The following SCAI variants were observed in gnomAD, a reference collection of about 807,000 sequenced individuals.
SCAI encodes protein SCAI.
Under a neutral mutation model 92.2 loss-of-function variants are expected in SCAI, and 24 were observed. The ratio of observed to expected loss-of-function variants is 0.26; its 90% confidence interval spans 0.19 to 0.37. SCAI has a LOEUF of 0.37. SCAI is among the 10% of genes least tolerant of loss of function. The pLI, the probability that SCAI is intolerant of heterozygous loss-of-function variation, is 1.00. For missense variants in SCAI, 450 were observed against 736.2 expected (o/e 0.61, Z 4.50); for synonymous variants, 261 against 258.6 (o/e 1.01, Z -0.09).
intron 3 of SCAI, among the ~76,000 whole-genome samples, chr9:125,048,329 T>C (rs1833489135): frequency 6.6e-6 from 1 of 152,182 alleles, no homozygotes; most frequent in African/African-American, 2.4e-5. Flanking sequence ...TACTGTACTC[T>C]GGTGGCAGTC....
intron 2 of SCAI, among the ~76,000 whole-genome samples, chr9:125,105,923 C>A (rs1237534645): frequency 6.7e-6 from 1 of 150,128 alleles, no homozygotes; most frequent in Non-Finnish European, 1.5e-5. Flanking sequence ...GTGGTGAAAC[C>A]CCGTTTCTAC....
chr9:124,988,495 C>A (rs1238939900), intron 14 of SCAI, among the ~76,000 whole-genome samples: 1 of 151,826 alleles, frequency 6.6e-6, no homozygotes, highest in African/African-American at 2.4e-5. Context: ...TTTAAAAAAA[C>A]CCAAAATAAT....
At chr9:125,021,115 C>G (rs1335655479) in intron 6 of SCAI, among the ~76,000 whole-genome samples, 1 of 152,090 alleles carries the variant, frequency 6.6e-6, no homozygotes, top group Non-Finnish European at 1.5e-5. Context: ...GCTTACAACA[C>G]AACGGAATAA....
At chr9:125,143,295 G>C in intron 1 of SCAI, 90 bp downstream of exon 1, 2 of 376,270 alleles carry the variant, frequency 5.3e-6, no homozygotes, top group Non-Finnish European at 7.5e-6. Context: ...TCTGCGCCCC[G>C]AATGCTCCAC....
chr9:125,010,205 G>A (rs1190847005), intron 9 of SCAI, among the ~76,000 whole-genome samples: 1 of 152,244 alleles, frequency 6.6e-6, no homozygotes, highest in Non-Finnish European at 1.5e-5. Flanking sequence ...AGCGCACCGT[G>A]CGCGAGCCGA....
chr9:124,997,866 ACT>A (rs1229579312), intron 13 of SCAI, among the ~76,000 whole-genome samples: 2 of 139,682 alleles, frequency 1.4e-5, no homozygotes, highest in South Asian at 2.4e-4. Context: ...GCAGAGTAAA[ACT>A]CTGTCTCAAA....
rs1831168642 is a variant in SCAI at position 124,947,662 on chromosome 9, TAC to T, written c.*5143_*5144del. ...TATGTATACATATATACAAAAAGTA[TAC>T]ACAGAGATTGCATGTAGCATCACAA... On this transcript the variant is annotated 3_prime_UTR_variant, in exon 18 of 18. Coordinates refer to ENST00000336505, the MANE Select transcript of SCAI (RefSeq NM_001144877.3). The T allele has an allele frequency of 6.6e-6, 1 of 152,178 alleles. No homozygotes were observed. The highest frequency in any genetic ancestry group is 1.5e-5 in the Non-Finnish European group (1 of 68,030). The allele number at this position is 152,178 out of a possible 1,614,324, so 9.4% of individuals were successfully genotyped here.
At chr9:125,010,755 C>A (rs527530590) in intron 9 of SCAI, among the ~76,000 whole-genome samples, 62 of 152,322 alleles carry the variant, frequency 4.1e-4, no homozygotes, top group African/African-American at 1.4e-3. Context: ...ACCCCGACCC[C>A]TGAGCAGCCT....
chr9:125,012,240 C>T (rs139512498), intron 9 of SCAI, among the ~76,000 whole-genome samples: 2,630 of 152,176 alleles, frequency 0.017, 73 homozygotes, highest in African/African-American at 0.06. Flanking sequence ...GACTGGCAAA[C>T]TGGATAAAGA....
chr9:124,961,270 T>TAA (rs959153501), intron 17 of SCAI, among the ~76,000 whole-genome samples: 1 of 139,868 alleles, frequency 7.1e-6, no homozygotes. Flanking sequence ...CTCATCTCAT[T>TAA]AAAAAAAAAA....
intron 17 of SCAI, 129 bp downstream of exon 17, chr9:124,971,241 A>G (rs1831653224): frequency 2.0e-6 from 1 of 493,942 alleles, no homozygotes; most frequent in African/African-American, 2.0e-5. Context: ...ACATTTGTAA[A>G]TATTATTTTG....
At chr9:124,995,467 A>G (rs530646548) in intron 13 of SCAI, among the ~76,000 whole-genome samples, 1 of 152,296 alleles carries the variant, frequency 6.6e-6, no homozygotes, top group Non-Finnish European at 1.5e-5. Flanking sequence ...GGTAGTAAGT[A>G]GGAAAATCTT....
At position 124,943,436 on chromosome 9, in the gene SCAI, CTTCA is replaced by C. The variant is rs1408692495; in HGVS notation, c.*9367_*9370del. On this transcript the variant is annotated 3_prime_UTR_variant, in exon 18 of 18. Coordinates refer to ENST00000336505, the MANE Select transcript of SCAI (RefSeq NM_001144877.3). ...AATAGCTAAATAGGCAACCAAATAG[CTTCA>C]TTATTTGCACGACAGATTAGCAGCA... 2 of 152,160 alleles carry C rather than the reference CTTCA, an allele frequency of 1.3e-5. No individual in the cohort carries two copies. The highest frequency in any genetic ancestry group is 2.9e-5 in the Non-Finnish European group (2 of 68,026). The allele number at this position is 152,160 out of a possible 1,614,324, so 9.4% of individuals were successfully genotyped here.
chr9:125,050,382 A>G (rs1833536864), intron 3 of SCAI, among the ~76,000 whole-genome samples: 1 of 152,166 alleles, frequency 6.6e-6, no homozygotes, highest in South Asian at 2.1e-4. Flanking sequence ...CAACACTCGA[A>G]AGAAAAGAGG....
intron 4 of SCAI, among the ~76,000 whole-genome samples, chr9:125,029,423 T>C (rs1413933730): frequency 2.0e-5 from 3 of 152,168 alleles, no homozygotes; most frequent in Non-Finnish European, 4.4e-5. Context: ...TGCCTGGCCA[T>C]ACATTTTAAG....
At chr9:125,078,347 T>C (rs1834137909) in intron 2 of SCAI, among the ~76,000 whole-genome samples, 1 of 152,030 alleles carries the variant, frequency 6.6e-6, no homozygotes, top group Non-Finnish European at 1.5e-5. Flanking sequence ...GCAAATGTGA[T>C]GAAACCACAT....
At chr9:124,982,308 C>G (rs1025320656) in intron 14 of SCAI, among the ~76,000 whole-genome samples, 2 of 152,164 alleles carry the variant, frequency 1.3e-5, no homozygotes, top group Admixed American at 1.3e-4. Flanking sequence ...GGCCTAACTG[C>G]TACAGAATGA....
At chr9:125,070,201 G>A (rs1462327888) in intron 2 of SCAI, among the ~76,000 whole-genome samples, 1 of 152,114 alleles carries the variant, frequency 6.6e-6, no homozygotes, top group Non-Finnish European at 1.5e-5. Flanking sequence ...GTGTATATGT[G>A]AGGGGTGATG....
chr9:124,984,658 G>T (rs569312998), intron 14 of SCAI, among the ~76,000 whole-genome samples: 32 of 152,306 alleles, frequency 2.1e-4, no homozygotes, highest in Non-Finnish European at 4.0e-4. Flanking sequence ...AATGGGGAAA[G>T]CTGTATATGG....
Sources: allele counts gnomAD v4.1 joint callset (sites outside exome capture counted in the v4.1 genomes callset), GRCh38; gene constraint gnomAD v4.1.1; transcripts MANE v1.5; gene names NCBI Gene and HGNC (gene_info 2026-07-23, HGNC 2026-07-21).